Variants in CHRNB3 observed in about 807,000 individuals in gnomAD.
CHRNB3 encodes the protein cholinergic receptor nicotinic beta 3 subunit.
A neutral mutation model predicts 40.6 loss-of-function variants in CHRNB3; 37 were observed. That is an observed-to-expected ratio of 0.91 (90% CI 0.70 to 1.20). CHRNB3 has a LOEUF of 1.20. Among genes scored for constraint, CHRNB3 ranks in the 50% most tolerant of loss-of-function variants. The pLI is 0.00. For synonymous variants in CHRNB3, 207 were observed against 207.1 expected (o/e 1.00, Z 0.00); for missense variants, 505 against 551.2 (o/e 0.92, Z 0.84).
Position 42,730,608 on chromosome 8 carries a change from C to T in CHRNB3, c.264C>T (p.His88=). 6.2e-7 allele frequency: 1 copy of T among 1,602,872 alleles called. No individual in the cohort carries two copies. Among genetic ancestry groups the T allele is most frequent in the Non-Finnish European group, 8.5e-7 (1 of 1,173,334 alleles). The stretch of plus-strand genomic sequence containing the variant: ...ATTTCATGCAGGAATGGACAGACCA[C>T]AAGTTACGCTGGAATCCTGATGATT... ...NVWLKQEWTD[H]KLRWNPDDYG... Residue 88 remains histidine, a synonymous_variant, in exon 4 of 6, where the codon CAC becomes CAT. Transcript: ENST00000289957.
intron 5 of CHRNB3, among the ~76,000 whole-genome samples, 170 bp from the exon 6 acceptor site, chr8:42,736,314 C>T (rs766811681): frequency 3.3e-5 from 5 of 152,276 alleles, no homozygotes; most frequent in Admixed American, 2.6e-4. Flanking sequence ...GCACAATTAG[C>T]GAAGTCCCTG....
chr8:42,708,188 C>T (rs561954245), intron 1 of CHRNB3, among the ~76,000 whole-genome samples: 86 of 152,210 alleles, frequency 5.7e-4, no homozygotes, highest in African/African-American at 2.0e-3. Flanking sequence ...GATTCTGGGC[C>T]GGGCGTGGTG....
At chr8:42,708,249 G>A (rs185135562) in intron 1 of CHRNB3, among the ~76,000 whole-genome samples, 5 of 152,242 alleles carry the variant, frequency 3.3e-5, no homozygotes, top group East Asian at 1.9e-4. Context: ...GACAGACCAC[G>A]AGGTCAGGAG....
intron 3 of CHRNB3, among the ~76,000 whole-genome samples, chr8:42,712,364 C>CT (rs1227517590): frequency 1.3e-5 from 2 of 152,174 alleles, no homozygotes; most frequent in African/African-American, 4.8e-5. Context: ...TATCTTTCTG[C>CT]TAATGCTTTA....
In CHRNB3 at chr8:42,731,700, C is replaced by T. The variant is rs1816422299; in HGVS notation, c.393C>T (p.Thr131=). The change falls in exon 5 of 6, where the codon ACC becomes ACT. Residue 131 remains threonine (T), a synonymous_variant. Coordinates refer to ENST00000289957, the MANE Select transcript of CHRNB3 (RefSeq NM_000749.5). ...ADGRFEGSLM[T]KVIVKSNGTV... Reference sequence around the variant, plus strand: ...GCCGCTTCGAAGGCTCCCTGATGACCAAGGTCATCGTGAAATCAAACGGAA... The same window carrying T: ...GCCGCTTCGAAGGCTCCCTGATGACTAAGGTCATCGTGAAATCAAACGGAA... 1 of 1,612,834 alleles carries T rather than the reference C, an allele frequency of 6.2e-7. No individual in the cohort carries two copies. The highest frequency in any genetic ancestry group is 1.7e-5 in the Admixed American group (1 of 59,874).
intron 5 of CHRNB3, 55 bp downstream of exon 5, chr8:42,732,604 T>C: frequency 6.9e-7 from 1 of 1,443,944 alleles, no homozygotes; most frequent in Non-Finnish European, 9.3e-7. Context: ...CAAAGACAAA[T>C]ATTTTGACAT....
At chr8:42,723,279 CCTTT>C (rs1435134463) in intron 3 of CHRNB3, among the ~76,000 whole-genome samples, 1 of 151,846 alleles carries the variant, frequency 6.6e-6, no homozygotes, top group Non-Finnish European at 1.5e-5. Context: ...TTACTGTTTG[CCTTT>C]TAACAGGTGT....
chr8:42,697,695 G>A, intron 1 of CHRNB3, 97 bp downstream of exon 1: 2 of 899,372 alleles, frequency 2.2e-6, no homozygotes, highest in Non-Finnish European at 3.7e-6. Context: ...ATTACAATAT[G>A]TAATGCACAA....
chr8:42,718,437 G>A (rs62518190), intron 3 of CHRNB3, among the ~76,000 whole-genome samples: 8,675 of 152,096 alleles, frequency 0.057, 318 homozygotes, highest in Middle Eastern at 0.11. Context: ...ACTTTGGGAG[G>A]CTGAGGCAGG....
At chr8:42,701,561 T>C (rs1362244229) in intron 1 of CHRNB3, among the ~76,000 whole-genome samples, 1 of 152,056 alleles carries the variant, frequency 6.6e-6, no homozygotes, top group Non-Finnish European at 1.5e-5. Flanking sequence ...ATAAAAAGAA[T>C]AAAGAGACCA....
At chr8:42,732,657 T>C in intron 5 of CHRNB3, 108 bp downstream of exon 5, 2 of 1,001,598 alleles carry the variant, frequency 2.0e-6, no homozygotes, top group Non-Finnish European at 2.8e-6. Context: ...TGTGACGTTA[T>C]ATAAGACATG....
At chr8:42,727,455 A>G (rs189084604) in intron 3 of CHRNB3, among the ~76,000 whole-genome samples, 2 of 152,170 alleles carry the variant, frequency 1.3e-5, no homozygotes, top group Non-Finnish European at 2.9e-5. Flanking sequence ...GGACCCATGC[A>G]CATACACAGT....
chr8:42,717,197 C>A (rs1816125102), intron 3 of CHRNB3, among the ~76,000 whole-genome samples: 1 of 134,822 alleles, frequency 7.4e-6, no homozygotes, highest in East Asian at 2.0e-4. Context: ...AACGGTGAAA[C>A]CCCGTCTCTA....
At chr8:42,718,209 A>T (rs564705258) in intron 3 of CHRNB3, among the ~76,000 whole-genome samples, 3 of 152,224 alleles carry the variant, frequency 2.0e-5, no homozygotes, top group Admixed American at 6.5e-5. Context: ...ATAATATGTC[A>T]TGTTGGTGCC....
At chr8:42,718,422 C>G (rs1260991163) in intron 3 of CHRNB3, among the ~76,000 whole-genome samples, 1 of 151,926 alleles carries the variant, frequency 6.6e-6, no homozygotes, top group Non-Finnish European at 1.5e-5. Flanking sequence ...ACCTGTAATC[C>G]CAGCACTTTG....
chr8:42,713,883 A>G (rs1474872870), intron 3 of CHRNB3, among the ~76,000 whole-genome samples: 2 of 152,268 alleles, frequency 1.3e-5, no homozygotes, highest in East Asian at 3.9e-4. Flanking sequence ...CCTGGCCAGG[A>G]TCTTTCTGGC....
Position 42,728,846 on chromosome 8 carries a change from C to T in CHRNB3, c.250-1748C>T, listed in dbSNP as rs1055114795. 1.1e-4 allele frequency among the ~76,000 whole-genome samples: 16 copies of T among 152,184 alleles called. 2 individuals are homozygous for T. The highest frequency in any genetic ancestry group is 2.9e-4 in the African/African-American group (12 of 41,496). ...GAATTTTATTGTAAGTAAATTTTTA[C>T]GAAGTGCATAAAGTGGAATTGAAAC... On this transcript the variant is annotated intron_variant, in intron 3 of 5. Coordinates refer to ENST00000289957, the MANE Select transcript of CHRNB3 (RefSeq NM_000749.5).
At chr8:42,706,833 T>TG (rs1458379449) in intron 1 of CHRNB3, among the ~76,000 whole-genome samples, 2 of 152,140 alleles carry the variant, frequency 1.3e-5, no homozygotes, top group East Asian at 3.9e-4. Context: ...CTACCACCAC[T>TG]CACTGCAGCC....
At chr8:42,702,308 C>G (rs1489906793) in intron 1 of CHRNB3, among the ~76,000 whole-genome samples, 1 of 152,022 alleles carries the variant, frequency 6.6e-6, no homozygotes, top group Non-Finnish European at 1.5e-5. Context: ...TAGAAATAAA[C>G]ATTTATTTAT....
Sources: gnomAD v4.1 joint callset for allele counts (sites outside exome capture counted in the v4.1 genomes callset) on GRCh38, gnomAD v4.1.1 for gene constraint, MANE v1.5 for transcripts, NCBI Gene and HGNC (gene_info 2026-07-23, HGNC 2026-07-21) for gene names.